SNX24: variants seen among roughly 807,000 people sequenced by gnomAD.
SNX24 encodes the protein sorting nexin-24.
A neutral mutation model predicts 28.7 loss-of-function variants in SNX24; 22 were observed. That is an observed-to-expected ratio of 0.77 (90% CI 0.55 to 1.10). The LOEUF is 1.10. Ranked by LOEUF, SNX24 falls within the 50% of genes least tolerant of loss-of-function variation. SNX24 has a pLI of 0.00. For missense variants in SNX24, 221 were observed against 201.1 expected (o/e 1.10, Z -0.60); for synonymous variants, 69 against 71.5 (o/e 0.96, Z 0.18).
At chr5:122,984,330 A>G (rs909031244) in intron 3 of SNX24, among the ~76,000 whole-genome samples, 4 of 152,240 alleles carry the variant, frequency 2.6e-5, no homozygotes, top group Non-Finnish European at 5.9e-5. Context: ...TTAAACTTCA[A>G]TCTATCAGAT....
At chr5:122,852,088 A>G (rs550770259) in intron 1 of SNX24, among the ~76,000 whole-genome samples, 31 of 150,890 alleles carry the variant, frequency 2.1e-4, no homozygotes, top group Non-Finnish European at 3.5e-4. Flanking sequence ...GTGTGTGTAT[A>G]AATATATACA....
In SNX24 at chr5:123,025,924, G is replaced by T; in HGVS notation, n.384-3314G>T. 3 of 1,610,116 alleles carry T rather than the reference G, an allele frequency of 1.9e-6. No homozygotes were observed. The highest frequency in any genetic ancestry group is 2.5e-6 in the Non-Finnish European group (3 of 1,178,846). On this transcript the variant is annotated intron_variant and non_coding_transcript_variant, in intron 5 of 5. Transcript: ENST00000502387. ...ACCCACCCAATGCCATAGTGCTTCA[G>T]CTTGAAGTTCTCATCTGGAAATGTC...
In SNX24 at chr5:122,954,203, A is replaced by G. The variant is rs547636325; in HGVS notation, c.249+8044A>G. On this transcript the variant is annotated intron_variant, in intron 3 of 6. Coordinates refer to ENST00000261369, the MANE Select transcript of SNX24 (RefSeq NM_014035.4). Reference sequence around the variant, plus strand: ...CAGTGAACTTTCTCTCTCTCTATATATATATAGTTTTATATATAAAATACA... The same window carrying G: ...CAGTGAACTTTCTCTCTCTCTATATGTATATAGTTTTATATATAAAATACA... Among the ~76,000 whole-genome samples the G allele has an allele frequency of 1.0e-3, 119 of 115,608 alleles. 1 individual carries two copies. Among genetic ancestry groups the G allele is most frequent in the Middle Eastern group, 4.1e-3 (1 of 244 alleles). 75.8% of individuals were successfully genotyped at this position (115,608 alleles called of 152,430 possible). A position where few individuals can be genotyped will look rare whatever the true frequency, so the allele number is the denominator to read the frequency against.
At chr5:122,904,517 G>A (rs1427526304) in intron 1 of SNX24, among the ~76,000 whole-genome samples, 3 of 151,536 alleles carry the variant, frequency 2.0e-5, no homozygotes, top group Non-Finnish European at 4.4e-5. Flanking sequence ...GTTTATATCT[G>A]GTCTTTAAAA....
At chr5:122,971,193 A>T (rs953133815) in intron 3 of SNX24, among the ~76,000 whole-genome samples, 7 of 152,330 alleles carry the variant, frequency 4.6e-5, no homozygotes, top group African/African-American at 1.7e-4. Flanking sequence ...TTGGAGTCTG[A>T]TGTTTAAGGG....
At chr5:122,850,213 T>C (rs893183146) in intron 1 of SNX24, among the ~76,000 whole-genome samples, 1 of 152,206 alleles carries the variant, frequency 6.6e-6, no homozygotes, top group African/African-American at 2.4e-5. Flanking sequence ...GGCTGGGAAG[T>C]CCAAGATCAA....
At chr5:123,021,650 C>G (rs758635061) in intron 5 of SNX24, among the ~76,000 whole-genome samples, 3 of 152,150 alleles carry the variant, frequency 2.0e-5, no homozygotes, top group Non-Finnish European at 2.9e-5. Context: ...AATAATAATT[C>G]TTAGACGCAG....
chr5:122,967,558 G>A (rs1760763339), intron 3 of SNX24, among the ~76,000 whole-genome samples: 1 of 152,122 alleles, frequency 6.6e-6, no homozygotes, highest in Non-Finnish European at 1.5e-5. Context: ...TTGCCATTCT[G>A]TTTATTTTTC....
chr5:123,003,704 C>G (rs1436053951), intron 6 of SNX24, among the ~76,000 whole-genome samples: 1 of 152,172 alleles, frequency 6.6e-6, no homozygotes, highest in African/African-American at 2.4e-5. Flanking sequence ...CTGGCTTGGA[C>G]AGTGAAGAAC....
chr5:122,947,304 C>T (rs1200928475), intron 3 of SNX24, among the ~76,000 whole-genome samples: 1 of 151,896 alleles, frequency 6.6e-6, no homozygotes, highest in Non-Finnish European at 1.5e-5. Flanking sequence ...AATGGCTGTC[C>T]CTGAACCACT....
At chr5:122,933,965 TAGAGA>T (rs1197614376) in intron 1 of SNX24, among the ~76,000 whole-genome samples, 1 of 151,938 alleles carries the variant, frequency 6.6e-6, no homozygotes, top group African/African-American at 2.4e-5. Flanking sequence ...GTGTTTTTAG[TAGAGA>T]CAGGGTTTCA....
At chr5:122,955,065 A>G (rs994331234) in intron 3 of SNX24, among the ~76,000 whole-genome samples, 1 of 140,850 alleles carries the variant, frequency 7.1e-6, no homozygotes, top group Non-Finnish European at 1.6e-5. Flanking sequence ...TTCTCAGCCT[A>G]TTTTTTTTTT....
In SNX24 at chr5:122,999,915, G is replaced by T; in HGVS notation, c.253G>T (p.Val85Phe). 1 of 1,598,394 alleles carries T rather than the reference G, an allele frequency of 6.3e-7. No individual in the cohort carries two copies. Among genetic ancestry groups the T allele is most frequent in the South Asian group, 1.1e-5 (1 of 90,772 alleles). The change falls in exon 4 of 7, where the codon GTC (valine) becomes TTC (phenylalanine). Residue 85 changes from valine to phenylalanine, a missense_variant. Physicochemically the swap from Val to Phe is conservative, Grantham distance 50. Transcript: ENST00000261369. Reference protein sequence around the residue: ...RQGLETYLQAVILENEELPKL... With the variant: ...RQGLETYLQAFILENEELPKL... ...ATTCTGTTTTCTGCTTTCACAGGCT[G>T]TCATTTTAGAAAATGAAGAACTTCC...
At chr5:122,941,825 A>G (rs998071188) in intron 2 of SNX24, among the ~76,000 whole-genome samples, 4 of 152,206 alleles carry the variant, frequency 2.6e-5, no homozygotes, top group African/African-American at 9.7e-5. Flanking sequence ...TGTTAACCCC[A>G]GGTTCTGCTT....
chr5:122,931,800 CT>C (rs1490859589), intron 1 of SNX24, among the ~76,000 whole-genome samples: 1 of 151,638 alleles, frequency 6.6e-6, no homozygotes, highest in Non-Finnish European at 1.5e-5. Context: ...TTATTAGATA[CT>C]TTTAATCTGT....
At chr5:122,920,359 C>T (rs577047191) in intron 1 of SNX24, among the ~76,000 whole-genome samples, 137 of 152,262 alleles carry the variant, frequency 9.0e-4, no homozygotes, top group African/African-American at 3.1e-3. Flanking sequence ...AGTGAATTTG[C>T]TGTTTGGTAA....
chr5:122,910,869 T>G (rs1757854691), intron 1 of SNX24, among the ~76,000 whole-genome samples: 2 of 152,136 alleles, frequency 1.3e-5, no homozygotes. Context: ...AGTGTATCGT[T>G]GTTGGACATT....
intron 3 of SNX24, among the ~76,000 whole-genome samples, chr5:122,950,194 T>A (rs561747428): frequency 6.6e-6 from 1 of 152,298 alleles, no homozygotes; most frequent in African/African-American, 2.4e-5. Context: ...AATAAAGAGT[T>A]TTCTGTTAAA....
At chr5:123,001,319 A>G in intron 4 of SNX24, 86 bp from the exon 5 acceptor site, 1 of 843,594 alleles carries the variant, frequency 1.2e-6, no homozygotes. Flanking sequence ...TCATCTAATA[A>G]TATTGGGTAT....
Sources: allele counts gnomAD v4.1 joint callset (sites outside exome capture counted in the v4.1 genomes callset), GRCh38; gene constraint gnomAD v4.1.1; transcripts MANE v1.5; gene names NCBI Gene and HGNC (gene_info 2026-07-23, HGNC 2026-07-21).